Variants in MRPS31 observed in about 807,000 individuals in gnomAD.
MRPS31 encodes small ribosomal subunit protein mS31.
In MRPS31, 32 loss-of-function variants were observed where a neutral mutation model predicts 43.1. That is an observed-to-expected ratio of 0.74 (90% confidence interval 0.56 to 1.00). The LOEUF is 1.00. Ranked by LOEUF, MRPS31 falls within the 50% of genes least tolerant of loss-of-function variation. MRPS31 has a pLI of 0.00. For synonymous variants in MRPS31, 165 were observed against 161.6 expected, an observed-to-expected ratio of 1.02 and a Z score of -0.16; for missense variants, 437 against 466.7, an observed-to-expected ratio of 0.94 and a Z score of 0.59.
chr13:40,749,319 T>C (rs1880325578), intron 5 of MRPS31, 38 bp from the exon 6 acceptor site: 1 of 1,476,278 alleles, frequency 6.8e-7, no homozygotes, highest in African/African-American at 1.5e-5. Context: ...AACAAGTCAA[T>C]GTAAGTATCT....
At chr13:40,761,291 A>C (rs1285214062) in intron 2 of MRPS31, among the ~76,000 whole-genome samples, 1 of 152,010 alleles carries the variant, frequency 6.6e-6, no homozygotes, top group Non-Finnish European at 1.5e-5. Flanking sequence ...AAAGAAAAAT[A>C]GAGAAATATA....
intron 3 of MRPS31, among the ~76,000 whole-genome samples, chr13:40,757,326 C>T (rs1353045145): frequency 1.3e-5 from 2 of 152,054 alleles, no homozygotes; most frequent in East Asian, 1.9e-4. Flanking sequence ...CTATCACCTA[C>T]ATCCAATAAC....
chr13:40,737,400 C>T (rs1293104510), intron 6 of MRPS31, among the ~76,000 whole-genome samples: 4 of 151,934 alleles, frequency 2.6e-5, no homozygotes, highest in Non-Finnish European at 5.9e-5. Flanking sequence ...CAAGGATACC[C>T]AGGAATTGAA....
At chr13:40,761,491 C>T (rs1299287958) in intron 2 of MRPS31, among the ~76,000 whole-genome samples, 1 of 151,982 alleles carries the variant, frequency 6.6e-6, no homozygotes, top group Non-Finnish European at 1.5e-5. Flanking sequence ...ACAATGGTTT[C>T]CTATGTAGTT....
chr13:40,758,494 T>C (rs2138012630), intron 3 of MRPS31, among the ~76,000 whole-genome samples: 1 of 152,280 alleles, frequency 6.6e-6, no homozygotes, highest in South Asian at 2.1e-4. Context: ...GCAAGTAGTA[T>C]AACATGGTAT....
intron 6 of MRPS31, among the ~76,000 whole-genome samples, chr13:40,746,564 T>C (rs138909543): frequency 7.2e-5 from 11 of 152,300 alleles, no homozygotes; most frequent in African/African-American, 2.4e-4. Flanking sequence ...AATTAAATTT[T>C]CTCAGAAACC....
chr13:40,771,099 G>A lies in MRPS31; in HGVS notation c.38C>T (p.Pro13Leu), dbSNP rs751181261. Reference protein sequence around the residue: ...PRVSTFLPLRPLSRHPLSSGS... With the variant: ...PRVSTFLPLRLLSRHPLSSGS... ...AGAGGACAAAGGGTGGCGGGAAAGG[G>A]GGCGAAGAGGTAGGAACGTCGAGAC... Residue 13 changes from proline to leucine, a missense_variant, in exon 1 of 7, where the codon CCC becomes CTC. Coordinates refer to ENST00000323563, the MANE Select transcript of MRPS31 (RefSeq NM_005830.4). 8.7e-6 allele frequency: 14 copies of A among 1,613,796 alleles called. No homozygotes were observed. Among genetic ancestry groups the A allele is most frequent in the Non-Finnish European group, 1.1e-5 (13 of 1,179,840 alleles).
chr13:40,768,570 A>C (rs549594004), intron 1 of MRPS31, among the ~76,000 whole-genome samples: 1 of 151,942 alleles, frequency 6.6e-6, no homozygotes, highest in African/African-American at 2.4e-5. Context: ...AACTGGGACT[A>C]ATTTTTTGTA....
chr13:40,740,298 G>A (rs1353687791), intron 6 of MRPS31, among the ~76,000 whole-genome samples: 1 of 96,176 alleles, frequency 1.0e-5, no homozygotes, highest in Middle Eastern at 4.0e-3. Context: ...AGGTGCTGGA[G>A]AGGATGTGGA....
intron 6 of MRPS31, among the ~76,000 whole-genome samples, chr13:40,736,407 T>C (rs1879909497): frequency 6.7e-6 from 1 of 149,412 alleles, no homozygotes; most frequent in South Asian, 2.1e-4. Flanking sequence ...CAGGCCAACG[T>C]TCAGATTCAG....
intron 5 of MRPS31, chr13:40,749,651 T>C (rs1263410187): frequency 6.5e-6 from 1 of 154,970 alleles, no homozygotes; most frequent in African/African-American, 2.4e-5. Context: ...TCGAAATTAG[T>C]CACAAATGTA....
chr13:40,731,481 C>T (rs1364820148), intron 6 of MRPS31, among the ~76,000 whole-genome samples: 1 of 151,078 alleles, frequency 6.6e-6, no homozygotes, highest in Non-Finnish European at 1.5e-5. Flanking sequence ...ACTCGGGAGG[C>T]TGAGGCAGGA....
At chr13:40,732,029 A>T (rs1879715376) in intron 6 of MRPS31, among the ~76,000 whole-genome samples, 1 of 152,256 alleles carries the variant, frequency 6.6e-6, no homozygotes, top group South Asian at 2.1e-4. Context: ...TAAGTTCTAG[A>T]TAAATAGAAA....
At chr13:40,734,874 TGACGGAGTGA>T (rs1378075241) in intron 6 of MRPS31, among the ~76,000 whole-genome samples, 1 of 152,030 alleles carries the variant, frequency 6.6e-6, no homozygotes, top group Non-Finnish European at 1.5e-5. Context: ...CCAGTCTGGG[TGACGGAGTGA>T]GACCCTGTCT....
intron 2 of MRPS31, 48 bp from the exon 3 acceptor site, chr13:40,759,154 T>C (rs1421182120): frequency 6.8e-6 from 10 of 1,472,024 alleles, no homozygotes; most frequent in East Asian, 2.4e-5. Context: ...AAAAGAGAGA[T>C]TGGCCAGGTG....
intron 2 of MRPS31, among the ~76,000 whole-genome samples, chr13:40,764,055 A>C (rs996227090): frequency 2.6e-5 from 4 of 152,236 alleles, no homozygotes; most frequent in African/African-American, 9.6e-5. Context: ...CCTGGCTCCC[A>C]AACTGTGTCC....
At chr13:40,750,881 C>T (rs1158749635) in intron 5 of MRPS31, among the ~76,000 whole-genome samples, 3 of 151,260 alleles carry the variant, frequency 2.0e-5, no homozygotes, top group Admixed American at 6.6e-5. Context: ...CACTTTAGCG[C>T]GTATCTGTAA....
chr13:40,766,665 T>C, intron 2 of MRPS31, 81 bp downstream of exon 2: 1 of 1,272,608 alleles, frequency 7.9e-7, no homozygotes, highest in Non-Finnish European at 1.1e-6. Context: ...ATTTCCCAAG[T>C]ACTTGTATTA....
At chr13:40,764,539 A>C (rs191472309) in intron 2 of MRPS31, among the ~76,000 whole-genome samples, 4 of 152,290 alleles carry the variant, frequency 2.6e-5, no homozygotes, top group African/African-American at 9.6e-5. Context: ...ATGTGGAACA[A>C]GGGTAAACAC....
Sources: allele counts gnomAD v4.1 joint callset (sites outside exome capture counted in the v4.1 genomes callset), GRCh38; gene constraint gnomAD v4.1.1; transcripts MANE v1.5; gene names NCBI Gene and HGNC (gene_info 2026-07-23, HGNC 2026-07-21).